The following EPB41L4A variants were observed in gnomAD, a reference collection of about 807,000 sequenced individuals.
EPB41L4A encodes the protein erythrocyte membrane protein band 4.1 like 4A.
EPB41L4A carries 100 observed loss-of-function variants against 108.6 expected under a neutral mutation model. The ratio of observed to expected loss-of-function variants is 0.92; its 90% confidence interval spans 0.78 to 1.09. The LOEUF (loss-of-function observed/expected upper bound fraction) is 1.09. Among genes scored for constraint, EPB41L4A ranks in the 50% least tolerant of loss-of-function variants. The pLI is 0.00. For synonymous variants in EPB41L4A, 319 were observed against 289.0 expected (o/e 1.10, Z -1.05); for missense variants, 1,030 against 842.7 (o/e 1.22, Z -2.75).
At chr5:112,316,542 G>C (rs936965884) in intron 1 of EPB41L4A, among the ~76,000 whole-genome samples, 1 of 152,056 alleles carries the variant, frequency 6.6e-6, no homozygotes, top group Admixed American at 6.5e-5. Context: ...ATGTCTAAGA[G>C]TTACCCTCAC....
In EPB41L4A at chr5:112,170,995, A is replaced by G. The variant is rs770319006; in HGVS notation, c.1623-3T>C. The G allele has an allele frequency of 6.8e-6, 11 of 1,612,468 alleles. No individual in the cohort carries two copies. In the Admixed American group the frequency reaches 1.0e-4, roughly 15 times the overall value. On this transcript the variant is annotated splice_region_variant and splice_polypyrimidine_tract_variant and intron_variant, in intron 18 of 22. Coordinates refer to ENST00000261486, the MANE Select transcript of EPB41L4A (RefSeq NM_022140.5). Reference sequence around the variant, plus strand: ...TTGCTTGGATATCGGGGCTTCTCCTATAAATAGAGAAAACAACATTCATCT... The same window carrying G: ...TTGCTTGGATATCGGGGCTTCTCCTGTAAATAGAGAAAACAACATTCATCT...
At chr5:112,258,975 C>T (rs1751305286) in intron 9 of EPB41L4A, among the ~76,000 whole-genome samples, 1 of 152,150 alleles carries the variant, frequency 6.6e-6, no homozygotes, top group Non-Finnish European at 1.5e-5. Context: ...CAATGATCAC[C>T]TCCTATTCTC....
chr5:112,229,540 T>C (rs1748715342), intron 12 of EPB41L4A, among the ~76,000 whole-genome samples: 1 of 152,148 alleles, frequency 6.6e-6, no homozygotes, highest in African/African-American at 2.4e-5. Flanking sequence ...ACCCAATGTG[T>C]AGTCTTTTAT....
At chr5:112,242,754 G>C (rs1035831046) in intron 9 of EPB41L4A, among the ~76,000 whole-genome samples, 1 of 152,116 alleles carries the variant, frequency 6.6e-6, no homozygotes, top group Admixed American at 6.5e-5. Flanking sequence ...TTGATCCATG[G>C]GTTGCAGAAC....
chr5:112,233,450 G>A (rs962440866), intron 12 of EPB41L4A, among the ~76,000 whole-genome samples: 13 of 152,048 alleles, frequency 8.5e-5, no homozygotes, highest in Admixed American at 6.6e-4. Context: ...CATAAGTATG[G>A]ATATTTTATT....
At chr5:112,414,068 G>A (rs1449311684) in intron 1 of EPB41L4A, among the ~76,000 whole-genome samples, 1 of 152,182 alleles carries the variant, frequency 6.6e-6, no homozygotes, top group African/African-American at 2.4e-5. Context: ...ACTCAGAAAC[G>A]ACTCGGCTAG....
At chr5:112,407,532 C>T (rs1428403386) in intron 1 of EPB41L4A, among the ~76,000 whole-genome samples, 2 of 152,156 alleles carry the variant, frequency 1.3e-5, no homozygotes, top group African/African-American at 4.8e-5. Flanking sequence ...CACTCTAAAA[C>T]CTGCTAAATA....
intron 12 of EPB41L4A, 79 bp downstream of exon 12, chr5:112,234,555 C>T: frequency 7.4e-7 from 1 of 1,359,184 alleles, no homozygotes; most frequent in East Asian, 2.4e-5. Flanking sequence ...GAGTTATAGA[C>T]ATCACCTGAG....
At chr5:112,318,945 C>A (rs1755591150) in intron 1 of EPB41L4A, among the ~76,000 whole-genome samples, 1 of 152,176 alleles carries the variant, frequency 6.6e-6, no homozygotes, top group Admixed American at 6.5e-5. Context: ...TTCCTTCAAC[C>A]CTTGTTTATG....
chr5:112,158,320 C>T, downstream of EPB41L4A: 1 of 218,330 alleles, frequency 4.6e-6, no homozygotes, highest in Non-Finnish European at 9.7e-6. Context: ...TCATTATGTA[C>T]CACACACAAT....
intron 12 of EPB41L4A, among the ~76,000 whole-genome samples, chr5:112,232,177 T>A (rs904317945): frequency 6.0e-5 from 9 of 150,548 alleles, no homozygotes; most frequent in South Asian, 2.1e-4. Flanking sequence ...GAGGCTGTCC[T>A]CCAAAAAGGC....
chr5:112,263,669 T>A (rs1482630601), intron 6 of EPB41L4A: 1 of 152,238 alleles, frequency 6.6e-6, no homozygotes, highest in Non-Finnish European at 1.5e-5. Flanking sequence ...ACAATCAGGT[T>A]GGAGAGCCTT....
At chr5:112,284,924 T>C (rs1007227386) in intron 2 of EPB41L4A, among the ~76,000 whole-genome samples, 6 of 152,202 alleles carry the variant, frequency 3.9e-5, no homozygotes, top group African/African-American at 1.4e-4. Context: ...ATCAATTTCC[T>C]TGGTAACAGT....
intron 1 of EPB41L4A, among the ~76,000 whole-genome samples, chr5:112,376,579 C>T (rs1759832853): frequency 6.6e-6 from 1 of 152,210 alleles, no homozygotes; most frequent in Non-Finnish European, 1.5e-5. Context: ...AAAACCTGTA[C>T]ATGAGTGATC....
At chr5:112,388,932 C>T (rs1760744123) in intron 1 of EPB41L4A, among the ~76,000 whole-genome samples, 1 of 152,112 alleles carries the variant, frequency 6.6e-6, no homozygotes, top group Admixed American at 6.5e-5. Context: ...CTATGAGCTC[C>T]CAGAGGTAAA....
downstream of EPB41L4A, among the ~76,000 whole-genome samples, chr5:112,158,973 G>A (rs1051126810): frequency 3.3e-5 from 5 of 152,164 alleles, no homozygotes; most frequent in Non-Finnish European, 5.9e-5. Context: ...GACAATCTTC[G>A]TGTTACTGCC....
At chr5:112,292,299 T>C (rs955376384) in intron 2 of EPB41L4A, among the ~76,000 whole-genome samples, 1 of 152,314 alleles carries the variant, frequency 6.6e-6, no homozygotes, top group Non-Finnish European at 1.5e-5. Context: ...TGAGTAAGGA[T>C]ATAACTCTAA....
intron 2 of EPB41L4A, among the ~76,000 whole-genome samples, chr5:112,301,967 C>T (rs772605377): frequency 1.2e-4 from 18 of 151,404 alleles, no homozygotes; most frequent in South Asian, 2.1e-4. Context: ...ACAAGTTTAA[C>T]GACATAAAAG....
intron 17 of EPB41L4A, among the ~76,000 whole-genome samples, chr5:112,187,940 C>T (rs1007741273): frequency 2.6e-5 from 4 of 152,196 alleles, no homozygotes; most frequent in Non-Finnish European, 5.9e-5. Flanking sequence ...AACTGCTTAT[C>T]TTTTTTGGTC....
Sources: allele counts gnomAD v4.1 joint callset (sites outside exome capture counted in the v4.1 genomes callset), GRCh38; gene constraint gnomAD v4.1.1; transcripts MANE v1.5; gene names NCBI Gene and HGNC (gene_info 2026-07-23, HGNC 2026-07-21).